The following OR14J1 variants were observed in gnomAD, a reference collection of about 807,000 sequenced individuals.
The protein encoded by OR14J1 is olfactory receptor family 14 subfamily J member 1.
For missense variants in OR14J1, 378 were observed against 393.4 expected, an observed-to-expected ratio of 0.96 and a Z score of 0.33; for synonymous variants, 140 against 146.7, an observed-to-expected ratio of 0.95 and a Z score of 0.33.
Position 29,307,543 on chromosome 6 carries a change from C to G in OR14J1, c.854C>G (p.Pro285Arg). ...FYTVIPPTLNPVIYSLRNDSM... is the reference protein window; with the variant it reads ...FYTVIPPTLNRVIYSLRNDSM... ...ACTGTGATACCTCCAACACTCAATCCAGTCATTTATAGCTTACGGAATGAT... is the reference window on the plus strand; with the variant it reads ...ACTGTGATACCTCCAACACTCAATCGAGTCATTTATAGCTTACGGAATGAT... The change falls in exon 2 of 2, where the codon CCA (proline) becomes CGA (arginine). Residue 285 changes from proline (P) to arginine (R), a missense_variant. Physicochemically the swap from Pro to Arg is moderately radical, Grantham distance 103. Transcript: ENST00000641895. The G allele has an allele frequency of 6.2e-7, 1 of 1,612,884 alleles. No individual in the cohort carries two copies.
At position 29,310,652 on chromosome 6, in the gene OR14J1, A is replaced by G. The variant is rs1775440108; in HGVS notation, c.*2997A>G. On this transcript the variant is annotated 3_prime_UTR_variant, in exon 2 of 2. Transcript: ENST00000641895. ...TAGTTTTTTCCTATTCTGTGAAGAAAGTCAATGGTAACTTGATGGGGATAG... is the reference window on the plus strand; with the variant it reads ...TAGTTTTTTCCTATTCTGTGAAGAAGGTCAATGGTAACTTGATGGGGATAG... The G allele has an allele frequency of 6.6e-6, 1 of 152,202 alleles. No individual in the cohort carries two copies. The highest frequency in any genetic ancestry group is 2.4e-5 in the African/African-American group (1 of 41,452). 9.4% of individuals were successfully genotyped at this position (152,202 alleles called of 1,614,324 possible). A position where few individuals can be genotyped will look rare whatever the true frequency, so the allele number is the denominator to read the frequency against.
At position 29,307,754 on chromosome 6, in the gene OR14J1, T is replaced by C. The variant is rs1204014696; in HGVS notation, c.*99T>C. The C allele has an allele frequency of 1.5e-6, 1 of 656,436 alleles. No homozygotes were observed. Among genetic ancestry groups the C allele is most frequent in the Non-Finnish European group, 2.6e-6 (1 of 384,972 alleles). 40.7% of individuals were successfully genotyped at this position (656,436 alleles called of 1,614,324 possible). ...ATGCTCTTCCAAGCTGTCTATTGTA[T>C]ATATTCCTCTCAAATATAATTCTTT... On this transcript the variant is annotated 3_prime_UTR_variant, in exon 2 of 2. Transcript: ENST00000641895.
chr6:29,312,828 G>A lies in OR14J1; in HGVS notation c.*5173G>A, dbSNP rs1226442080. ...CGAGGTGGACGGATGACGAGGTCAG[G>A]AGATCAAGACCATCTTGGCTACCTT... On this transcript the variant is annotated 3_prime_UTR_variant, in exon 2 of 2. Transcript: ENST00000641895. 1 of 152,360 alleles carries A rather than the reference G, an allele frequency of 6.6e-6. No homozygotes were observed. The highest frequency in any genetic ancestry group is 2.4e-5 in the African/African-American group (1 of 41,452). The allele number at this position is 152,360 out of a possible 1,614,324, so 9.4% of individuals were successfully genotyped here. A position where few individuals can be genotyped will look rare whatever the true frequency, so the allele number is the denominator to read the frequency against.
Position 29,310,868 on chromosome 6 carries a change from G to C in OR14J1, c.*3213G>C, listed in dbSNP as rs977929791. On this transcript the variant is annotated 3_prime_UTR_variant, in exon 2 of 2. Transcript: ENST00000641895. ...TCCTGGGTATTTTATTCTCTTTGTA[G>C]CAGTTATGAATGGGAGTTCACTCAT... The C allele has an allele frequency of 2.6e-5, 4 of 152,016 alleles. No homozygotes were observed. The highest frequency in any genetic ancestry group is 2.0e-4 in the Admixed American group (3 of 15,260). The allele number at this position is 152,016 out of a possible 1,614,324, so 9.4% of individuals were successfully genotyped here. A position where few individuals can be genotyped will look rare whatever the true frequency, so the allele number is the denominator to read the frequency against.
At position 29,303,122 on chromosome 6, in the gene OR14J1, T is replaced by C. The variant is rs185024633; in HGVS notation, c.-29+1335T>C. Among the ~76,000 whole-genome samples the C allele has an allele frequency of 4.1e-3, 619 of 152,314 alleles. 2 individuals are homozygous for C. Among genetic ancestry groups the C allele is most frequent in the Middle Eastern group, 0.01 (3 of 294 alleles). On this transcript the variant is annotated intron_variant, in intron 1 of 1. Coordinates refer to ENST00000641895, the MANE Select transcript of OR14J1 (RefSeq NM_030946.2). ...GGGGACCTGCAACCCAGAAGACCTA[T>C]GGTAGTGCTCGAAACAGCAGACTAT...
chr6:29,304,007 A>G (rs1264517356), intron 1 of OR14J1, among the ~76,000 whole-genome samples: 1 of 152,170 alleles, frequency 6.6e-6, no homozygotes, highest in African/African-American at 2.4e-5. Context: ...AAAGGAAAAA[A>G]GAGCTCTTTC....
chr6:29,302,167 TC>T (rs1313186088), intron 1 of OR14J1, among the ~76,000 whole-genome samples: 4 of 129,926 alleles, frequency 3.1e-5, no homozygotes, highest in Admixed American at 1.6e-4. Flanking sequence ...AGATTTTTTT[TC>T]TTTTTTTTTT....
chr6:29,306,511 T>C (rs994389896), intron 1 of OR14J1, 151 bp from the exon 2 acceptor site: 1 of 614,506 alleles, frequency 1.6e-6, no homozygotes, highest in African/African-American at 1.8e-5. Context: ...GAATAATTGC[T>C]AAAACGTTTT....
Position 29,306,656 on chromosome 6 carries a change from A to G in OR14J1, c.-28-6A>G, listed in dbSNP as rs1775104552. The stretch of plus-strand genomic sequence containing the variant: ...TTCTTCCTACTGTCTTTGGCTTCCT[A>G]AACAGAGTCACACTTGGTATCTTCA... On this transcript the variant is annotated splice_region_variant and splice_polypyrimidine_tract_variant and intron_variant, in intron 1 of 1. Coordinates refer to ENST00000641895, the MANE Select transcript of OR14J1 (RefSeq NM_030946.2). The G allele has an allele frequency of 7.0e-7, 1 of 1,434,640 alleles. No individual in the cohort carries two copies. The highest frequency in any genetic ancestry group is 9.7e-7 in the Non-Finnish European group (1 of 1,029,402). The allele number at this position is 1,434,640 out of a possible 1,614,324, so 88.9% of individuals were successfully genotyped here.
intron 1 of OR14J1, among the ~76,000 whole-genome samples, chr6:29,303,503 T>G (rs1774850115): frequency 6.6e-6 from 1 of 152,180 alleles, no homozygotes; most frequent in Non-Finnish European, 1.5e-5. Flanking sequence ...GAGCTGTTTG[T>G]GAGGACTCAT....
At chr6:29,303,149 AT>A (rs1300405437) in intron 1 of OR14J1, among the ~76,000 whole-genome samples, 4 of 152,244 alleles carry the variant, frequency 2.6e-5, no homozygotes. Context: ...GCAGACTATT[AT>A]TTTCTATTGT....
intron 1 of OR14J1, among the ~76,000 whole-genome samples, chr6:29,303,040 C>G (rs1774818546): frequency 1.3e-5 from 2 of 148,512 alleles, no homozygotes; most frequent in African/African-American, 5.0e-5. Context: ...TGGGAAAGAC[C>G]CATTCAGGGA....
intron 1 of OR14J1, among the ~76,000 whole-genome samples, chr6:29,302,496 T>A (rs2151187119): frequency 6.6e-6 from 1 of 152,116 alleles, no homozygotes; most frequent in South Asian, 2.1e-4. Flanking sequence ...GCAATTCTAA[T>A]GGGAGGACTT....
rs957671239 is a variant in OR14J1, at chr6:29,310,042, T to A, written c.*2387T>A. On this transcript the variant is annotated 3_prime_UTR_variant, in exon 2 of 2. Transcript: ENST00000641895. ...TTGTCAGATGGATAGATTACAAAAA[T>A]TTTCTCCCATTCTGTAGGTTGCCTA... is the stretch of plus-strand genomic sequence containing the variant. 2 of 152,154 alleles carry A rather than the reference T, an allele frequency of 1.3e-5. No homozygotes were observed. The highest frequency in any genetic ancestry group is 3.8e-4 in the East Asian group (2 of 5,200). The allele number at this position is 152,154 out of a possible 1,614,324, so 9.4% of individuals were successfully genotyped here.
chr6:29,308,440 T>C lies in OR14J1; in HGVS notation c.*785T>C, dbSNP rs927314725. 1 of 152,220 alleles carries C rather than the reference T, an allele frequency of 6.6e-6. No homozygotes were observed. The highest frequency in any genetic ancestry group is 2.4e-5 in the African/African-American group (1 of 41,460). The allele number at this position is 152,220 out of a possible 1,614,324, so 9.4% of individuals were successfully genotyped here. On this transcript the variant is annotated 3_prime_UTR_variant, in exon 2 of 2. Coordinates refer to ENST00000641895, the MANE Select transcript of OR14J1 (RefSeq NM_030946.2). The stretch of plus-strand genomic sequence containing the variant: ...TGTCATCACCCTTGTGCATCCCTAT[T>C]ACTGGAGGTATTTATATTAATTCCT...
chr6:29,309,482 A>G lies in OR14J1; in HGVS notation c.*1827A>G, dbSNP rs1485010806. ...ACACTGTTTCCACAATGGTTGAACT[A>G]GTTTACAGTCCCACCAACAGTGTAA... On this transcript the variant is annotated 3_prime_UTR_variant, in exon 2 of 2. Coordinates refer to ENST00000641895, the MANE Select transcript of OR14J1 (RefSeq NM_030946.2). The G allele has an allele frequency of 6.6e-6, 1 of 152,216 alleles. No individual in the cohort carries two copies. Among genetic ancestry groups the G allele is most frequent in the Non-Finnish European group, 1.5e-5 (1 of 68,052 alleles). The allele number at this position is 152,216 out of a possible 1,614,324, so 9.4% of individuals were successfully genotyped here. A position where few individuals can be genotyped will look rare whatever the true frequency, so the allele number is the denominator to read the frequency against.
intron 1 of OR14J1, among the ~76,000 whole-genome samples, chr6:29,306,141 T>G (rs1775067768): frequency 6.6e-6 from 1 of 152,216 alleles, no homozygotes; most frequent in Non-Finnish European, 1.5e-5. Flanking sequence ...TGTAATCTTT[T>G]TAAAGTGTTA....
chr6:29,303,312 A>G (rs186765610), intron 1 of OR14J1, among the ~76,000 whole-genome samples: 1 of 152,366 alleles, frequency 6.6e-6, no homozygotes, highest in African/African-American at 2.4e-5. Context: ...ACTAAGAAAA[A>G]ATATTCAGAG....
intron 1 of OR14J1, among the ~76,000 whole-genome samples, chr6:29,305,416 T>C (rs1286179486): frequency 6.6e-6 from 1 of 152,222 alleles, no homozygotes; most frequent in African/African-American, 2.4e-5. Context: ...ATCAATTATG[T>C]AGATATCCCG....
Sources: allele counts gnomAD v4.1 joint callset (sites outside exome capture counted in the v4.1 genomes callset), GRCh38; gene constraint gnomAD v4.1.1; transcripts MANE v1.5; gene names NCBI Gene and HGNC (gene_info 2026-07-23, HGNC 2026-07-21).